FAF1: variants seen among roughly 807,000 people sequenced by gnomAD.
The protein encoded by FAF1 is Fas associated factor 1, also known as FAS-associated factor 1.
FAF1 carries 25 observed loss-of-function variants against 92.5 expected under a neutral mutation model. That is an observed-to-expected ratio of 0.27 (90% confidence interval 0.20 to 0.38). The LOEUF is 0.38. Ranked by LOEUF, FAF1 falls within the 10% of genes least tolerant of loss-of-function variation. The pLI is 1.00. For missense variants in FAF1, 636 were observed against 793.3 expected (o/e 0.80, Z 2.38); for synonymous variants, 234 against 273.2 (o/e 0.86, Z 1.42).
At chr1:50,453,439 G>C (rs1027407789) in intron 18 of FAF1, among the ~76,000 whole-genome samples, 5 of 152,190 alleles carry the variant, frequency 3.3e-5, no homozygotes, top group Non-Finnish European at 7.3e-5. Context: ...TTGCCGGTGT[G>C]ATTTATTCTG....
intron 1 of FAF1, among the ~76,000 whole-genome samples, chr1:50,898,732 GTCTTA>G (rs1383999750): frequency 3.3e-5 from 5 of 152,164 alleles, no homozygotes; most frequent in Non-Finnish European, 7.4e-5. Flanking sequence ...TCTTCTGTCA[GTCTTA>G]TCTTTGTTAA....
intron 18 of FAF1, among the ~76,000 whole-genome samples, chr1:50,459,138 A>T (rs1194819307): frequency 6.6e-6 from 1 of 151,186 alleles, no homozygotes; most frequent in Non-Finnish European, 1.5e-5. Context: ...CACCTGGCTA[A>T]TTTTTTTTTA....
At chr1:50,731,509 A>G (rs1302547195) in intron 6 of FAF1, among the ~76,000 whole-genome samples, 2 of 151,664 alleles carry the variant, frequency 1.3e-5, no homozygotes, top group East Asian at 3.9e-4. Context: ...AGCTGGGACT[A>G]CAGGCACCTG....
chr1:50,523,998 C>T (rs1647649960), intron 15 of FAF1, among the ~76,000 whole-genome samples: 1 of 152,184 alleles, frequency 6.6e-6, no homozygotes, highest in African/African-American at 2.4e-5. Context: ...AACTAAATTA[C>T]ACTCCCACTA....
intron 16 of FAF1, among the ~76,000 whole-genome samples, chr1:50,491,078 C>G (rs1646833955): frequency 6.6e-6 from 1 of 152,174 alleles, no homozygotes; most frequent in South Asian, 2.1e-4. Flanking sequence ...CCTCTTCCCT[C>G]CTACTGCTCT....
chr1:50,522,798 T>C (rs1647574031), intron 15 of FAF1, among the ~76,000 whole-genome samples: 1 of 152,236 alleles, frequency 6.6e-6, no homozygotes, highest in Admixed American at 6.5e-5. Context: ...ATTTTAAGTA[T>C]ACAATTTAGT....
chr1:50,757,690 T>A (rs1399675027), intron 4 of FAF1, among the ~76,000 whole-genome samples: 1 of 152,154 alleles, frequency 6.6e-6, no homozygotes, highest in African/African-American at 2.4e-5. Flanking sequence ...TTTCCCTTTT[T>A]TATTCAGTGT....
At position 50,663,623 on chromosome 1, in the gene FAF1, T is replaced by G. The variant is rs992879131; in HGVS notation, c.658-8095A>C. On this transcript the variant is annotated intron_variant, in intron 7 of 18. Coordinates refer to ENST00000396153, the MANE Select transcript of FAF1 (RefSeq NM_007051.3). The stretch of plus-strand genomic sequence containing the variant: ...TTTCACCGTATTGGCCAGGCTGGTC[T>G]CGAACTCCTGACCTCGTGATCCACC... Among the ~76,000 whole-genome samples the G allele has an allele frequency of 2.0e-5, 3 of 151,444 alleles. 1 individual carries two copies. The highest frequency in any genetic ancestry group is 7.4e-5 in the African/African-American group (3 of 40,790).
intron 8 of FAF1, among the ~76,000 whole-genome samples, chr1:50,653,591 C>T (rs1280029716): frequency 1.3e-5 from 2 of 152,164 alleles, no homozygotes; most frequent in African/African-American, 2.4e-5. Flanking sequence ...CTCGGCCAGG[C>T]ACGGTGGCTC....
chr1:50,863,832 C>A (rs1011225348), intron 1 of FAF1, among the ~76,000 whole-genome samples: 2 of 152,038 alleles, frequency 1.3e-5, no homozygotes, highest in East Asian at 3.9e-4. Flanking sequence ...CCATCTGGTC[C>A]TGGACTCTTT....
chr1:50,520,720 C>T (rs369163228), intron 15 of FAF1, among the ~76,000 whole-genome samples: 14 of 152,032 alleles, frequency 9.2e-5, no homozygotes, highest in Admixed American at 1.3e-4. Context: ...TGGTGGTGCA[C>T]GCCTGTAGTC....
intron 18 of FAF1, among the ~76,000 whole-genome samples, chr1:50,443,425 C>G (rs564762296): frequency 6.6e-6 from 1 of 152,130 alleles, no homozygotes. Flanking sequence ...ATTTCTTGAA[C>G]GCCTACTATA....
chr1:50,928,615 C>T (rs1645024148), intron 1 of FAF1, among the ~76,000 whole-genome samples: 1 of 151,166 alleles, frequency 6.6e-6, no homozygotes. Context: ...AACCCCATCT[C>T]TACTAAAAAT....
At chr1:50,565,749 GA>G (rs1650151403) in intron 13 of FAF1, among the ~76,000 whole-genome samples, 1 of 152,060 alleles carries the variant, frequency 6.6e-6, no homozygotes, top group Non-Finnish European at 1.5e-5. Flanking sequence ...ATGGAGGATA[GA>G]ACAAAATAAC....
intron 15 of FAF1, among the ~76,000 whole-genome samples, chr1:50,518,147 C>T (rs982331040): frequency 3.3e-5 from 5 of 152,128 alleles, no homozygotes; most frequent in East Asian, 3.9e-4. Context: ...CTCTAGCAGC[C>T]GCTGACCAGT....
chr1:50,940,100 T>TG (rs1043072745), intron 1 of FAF1, among the ~76,000 whole-genome samples: 1 of 152,038 alleles, frequency 6.6e-6, no homozygotes, highest in African/African-American at 2.4e-5. Flanking sequence ...TTTGTAGAGA[T>TG]GGAGTTTTAC....
intron 18 of FAF1, among the ~76,000 whole-genome samples, chr1:50,451,276 C>T (rs1257806822): frequency 6.6e-6 from 1 of 152,108 alleles, no homozygotes; most frequent in Non-Finnish European, 1.5e-5. Flanking sequence ...TTGTAGGCTG[C>T]CCTGTTTGTT....
chr1:50,791,249 C>T (rs144242929), intron 3 of FAF1, among the ~76,000 whole-genome samples: 1 of 152,178 alleles, frequency 6.6e-6, no homozygotes, highest in African/African-American at 2.4e-5. Context: ...AGAATCTGTG[C>T]GATGACATTT....
chr1:50,678,064 A>C (rs1386851853), intron 7 of FAF1, among the ~76,000 whole-genome samples: 1 of 152,158 alleles, frequency 6.6e-6, no homozygotes, highest in Non-Finnish European at 1.5e-5. Context: ...TTACCCTTCC[A>C]TATATGCTTG....
Sources: gnomAD v4.1 joint callset for allele counts (sites outside exome capture counted in the v4.1 genomes callset) on GRCh38, gnomAD v4.1.1 for gene constraint, MANE v1.5 for transcripts, NCBI Gene and HGNC (gene_info 2026-07-23, HGNC 2026-07-21) for gene names.